The following PSG5 variants were observed in gnomAD, a reference collection of about 807,000 sequenced individuals.
The protein encoded by PSG5 is pregnancy-specific beta-1-glycoprotein 5.
PSG5 carries 53 observed loss-of-function variants against 37.7 expected under a neutral mutation model. That is an observed-to-expected ratio of 1.41 (90% CI 1.13 to 1.77). The LOEUF is 1.77. Among genes scored for constraint, PSG5 ranks in the 40% most tolerant of loss-of-function variants. The probability of loss-of-function intolerance (pLI) is 0.00; values close to 1 mark genes in which losing one functional copy is unlikely to be tolerated. For synonymous variants in PSG5, 221 were observed against 155.4 expected, an observed-to-expected ratio of 1.42 and a Z score of -3.14; for missense variants, 547 against 405.2, an observed-to-expected ratio of 1.35 and a Z score of -3.00.
intron 2 of PSG5, among the ~76,000 whole-genome samples, chr19:43,178,353 A>C (rs1969055395): frequency 6.6e-6 from 1 of 151,660 alleles, no homozygotes; most frequent in Non-Finnish European, 1.5e-5. Flanking sequence ...GATTGCTGGA[A>C]CTTCCCATCA....
chr19:43,176,087 G>T lies in PSG5; in HGVS notation c.492C>A (p.Val164=), dbSNP rs137958988. Residue 164 remains valine (V), a synonymous_variant, in exon 3 of 6, where the codon GTC becomes GTA. Transcript: ENST00000342951. The stretch of plus-strand genomic sequence containing the variant: ...TCTTAGGTTCACAGGTGAAGGCTAA[G>T]ACATCCTTATTCTCCCTGGGTTTTG... The part of the protein sequence containing the change: ...NNSKPRENKD[V]LAFTCEPKSE... The T allele has an allele frequency of 4.1e-3, 6,657 of 1,611,008 alleles. 158 individuals are homozygous for T. Among genetic ancestry groups the T allele is most frequent in the Middle Eastern group, 5.1e-3 (25 of 4,884 alleles).
chr19:43,175,276 G>T lies in PSG5; in HGVS notation c.903C>A (p.Cys301Ter). Residue 301 changes from cysteine to a stop codon, truncating the protein, a stop_gained, in exon 4 of 6, where the codon TGC (cysteine) becomes TGA (stop). Transcript: ENST00000342951. LOFTEE classifies it high-confidence loss of function. The stretch of plus-strand genomic sequence containing the variant: ...TGCCAGTAGCTGAGTTACGAACAGA[G>T]CAAGTATAGAGCCCTCTATGCTTTG... Reference protein sequence around the residue: ...ITTKHRGLYTCSVRNSATGKE... With the variant: ...ITTKHRGLYT 6 of 1,612,782 alleles carry T rather than the reference G, an allele frequency of 3.7e-6. No homozygotes were observed. The highest frequency in any genetic ancestry group is 5.1e-6 in the Non-Finnish European group (6 of 1,179,212).
intron 5 of PSG5, among the ~76,000 whole-genome samples, chr19:43,169,178 T>G (rs1335973274): frequency 3.3e-5 from 5 of 151,696 alleles, no homozygotes; most frequent in Non-Finnish European, 7.4e-5. Flanking sequence ...GTATCATGAT[T>G]ATTTTCAGGT....
chr19:43,180,966 C>T (rs1969115196), intron 2 of PSG5, among the ~76,000 whole-genome samples: 1 of 151,602 alleles, frequency 6.6e-6, no homozygotes, highest in Non-Finnish European at 1.5e-5. Context: ...GGGAGGACCC[C>T]AAAACAGGTA....
At chr19:43,178,037 T>C (rs1004322749) in intron 2 of PSG5, among the ~76,000 whole-genome samples, 2 of 151,694 alleles carry the variant, frequency 1.3e-5, no homozygotes, top group Non-Finnish European at 2.9e-5. Context: ...TGTTAGTGTA[T>C]AGCCTAAAGA....
intron 4 of PSG5, among the ~76,000 whole-genome samples, chr19:43,172,030 C>T (rs1485155161): frequency 1.4e-5 from 2 of 147,930 alleles, no homozygotes; most frequent in African/African-American, 5.0e-5. Flanking sequence ...GAAGCGATTA[C>T]TACCAATTCT....
At position 43,170,127 on chromosome 19, in the gene PSG5, T is replaced by G. The variant is rs759192383; in HGVS notation, c.976A>C (p.Ile326Leu). 1 of 1,587,068 alleles carries G rather than the reference T, an allele frequency of 6.3e-7. No homozygotes were observed. Among genetic ancestry groups the G allele is most frequent in the Non-Finnish European group, 8.6e-7 (1 of 1,160,250 alleles). ...MTVEVSAPSG[I>L]GRLPLLNPI ...GGATTAAGGAGAGGAAGACGTCCTA[T>G]TCCTGAAGGAGCTGTCATGGAAAGA... The change falls in exon 5 of 6, where the codon ATA becomes CTA. Residue 326 changes from isoleucine (I) to leucine (L), a missense_variant. By Grantham distance (5) the Ile-to-Leu change is conservative. Coordinates refer to ENST00000342951, the MANE Select transcript of PSG5 (RefSeq NM_002781.4).
intron 2 of PSG5, among the ~76,000 whole-genome samples, chr19:43,177,905 T>C (rs1969044819): frequency 6.8e-6 from 1 of 147,392 alleles, no homozygotes; most frequent in African/African-American, 2.6e-5. Flanking sequence ...TCAGCAATGT[T>C]TTGTAGTTTT....
At chr19:43,181,282 C>T (rs1262300527) in intron 2 of PSG5, among the ~76,000 whole-genome samples, 1 of 151,512 alleles carries the variant, frequency 6.6e-6, no homozygotes, top group Admixed American at 6.6e-5. Context: ...TTGCTATTGC[C>T]AAAACAAAAT....
chr19:43,185,577 C>T (rs1193103098), intron 1 of PSG5, among the ~76,000 whole-genome samples: 2 of 151,226 alleles, frequency 1.3e-5, no homozygotes, highest in African/African-American at 2.4e-5. Context: ...AACACCTGAC[C>T]TCACATTCTA....
chr19:43,168,307 A>G, intron 5 of PSG5, 104 bp from the exon 6 acceptor site: 1 of 335,616 alleles, frequency 3.0e-6, no homozygotes, highest in African/African-American at 2.1e-5. Flanking sequence ...TCTGTGGCAT[A>G]TGACACTATG....
intron 4 of PSG5, chr19:43,174,915 A>T (rs1781713726): frequency 8.0e-7 from 1 of 1,250,112 alleles, no homozygotes; most frequent in African/African-American, 1.5e-5. Flanking sequence ...AAGCAACTTG[A>T]TCTTGAGGAC....
chr19:43,185,441 C>CA (rs1491488906), intron 1 of PSG5, among the ~76,000 whole-genome samples: 3 of 114,548 alleles, frequency 2.6e-5, no homozygotes, highest in African/African-American at 1.0e-4. Context: ...CCCCCCCCCC[C>CA]CACACTGCCC....
intron 2 of PSG5, among the ~76,000 whole-genome samples, chr19:43,177,564 C>T (rs548421803): frequency 1.3e-5 from 2 of 150,808 alleles, no homozygotes; most frequent in East Asian, 1.9e-4. Flanking sequence ...TGGTCAATTC[C>T]ACACTGGCCA....
intron 2 of PSG5, among the ~76,000 whole-genome samples, chr19:43,178,692 C>G (rs1014010488): frequency 3.3e-5 from 5 of 151,780 alleles, no homozygotes; most frequent in African/African-American, 1.2e-4. Context: ...GGAGCAGCCT[C>G]TTTTCTCCTA....
intron 5 of PSG5, among the ~76,000 whole-genome samples, chr19:43,168,661 C>T (rs962673436): frequency 1.3e-5 from 2 of 151,734 alleles, no homozygotes; most frequent in African/African-American, 4.9e-5. Flanking sequence ...CGTGAGCCAT[C>T]GCGCCCAGCG....
Position 43,174,718 on chromosome 19 carries a change from C to A in PSG5, c.964+497G>T, listed in dbSNP as rs1968968686. The stretch of plus-strand genomic sequence containing the variant: ...AGGTTGAGTGAGGCAGGCCCAGTCA[C>A]CAGAGAAGCATGGAGCAGAGCAGGA... On this transcript the variant is annotated intron_variant, in intron 4 of 5. Coordinates refer to ENST00000342951, the MANE Select transcript of PSG5 (RefSeq NM_002781.4). 5 of 1,023,988 alleles carry A rather than the reference C, an allele frequency of 4.9e-6. No homozygotes were observed. The Admixed American group carries it at 1.9e-4, about 39-fold the overall frequency. 63.4% of individuals were successfully genotyped at this position (1,023,988 alleles called of 1,614,324 possible).
intron 5 of PSG5, among the ~76,000 whole-genome samples, chr19:43,168,599 C>T (rs1254209112): frequency 2.6e-5 from 4 of 151,638 alleles, no homozygotes; most frequent in Admixed American, 2.0e-4. Context: ...GTCTCGATCT[C>T]CTGACATCGT....
Position 43,175,976 on chromosome 19 carries a change from G to T in PSG5, c.603C>A (p.Ile201=), listed in dbSNP as rs770546775. Residue 201 remains isoleucine, a synonymous_variant, in exon 3 of 6, where the codon ATC becomes ATA. Coordinates refer to ENST00000342951, the MANE Select transcript of PSG5 (RefSeq NM_002781.4). ...PRVKRPIENR[I]LILPSVTRNE... is the part of the protein sequence containing the mutation. ...TTCTCGTGACACTGGGTAGAATGAGGATCCTGTTTTCAATGGGTCGCTTTA... is the reference window on the plus strand; with the variant it reads ...TTCTCGTGACACTGGGTAGAATGAGTATCCTGTTTTCAATGGGTCGCTTTA... The T allele has an allele frequency of 5.6e-6, 9 of 1,611,754 alleles. No individual in the cohort carries two copies. Among genetic ancestry groups the T allele is most frequent in the African/African-American group, 1.3e-5 (1 of 74,458 alleles).
Sources: allele counts gnomAD v4.1 joint callset (sites outside exome capture counted in the v4.1 genomes callset), GRCh38; gene constraint gnomAD v4.1.1; transcripts MANE v1.5; gene names NCBI Gene and HGNC (gene_info 2026-07-23, HGNC 2026-07-21).